JADE3: variants seen among roughly 807,000 people sequenced by gnomAD.
JADE3 encodes protein Jade-3.
Under a neutral mutation model 50.1 loss-of-function variants are expected in JADE3, and 2 were observed. The ratio of observed to expected loss-of-function variants is 0.04; its 90% CI spans 0.02 to 0.13. The LOEUF is 0.13. JADE3 is among the 10% of genes least tolerant of loss of function. The pLI is 1.00. For synonymous variants in JADE3, 218 were observed against 232.9 expected, an observed-to-expected ratio of 0.94 and a Z score of 0.58; for missense variants, 475 against 634.4, an observed-to-expected ratio of 0.75 and a Z score of 2.70.
At chrX:47,009,304 GC>G (rs1556361066) in intron 4 of JADE3, among the ~76,000 whole-genome samples, 2 of 111,260 alleles carry the variant, frequency 1.8e-5, no homozygotes, top group Non-Finnish European at 3.8e-5. Flanking sequence ...CTACACTCCA[GC>G]CTAGATAACA....
intron 4 of JADE3, among the ~76,000 whole-genome samples, chrX:47,002,538 G>A (rs1459210086): frequency 9.0e-6 from 1 of 110,567 alleles, no homozygotes; most frequent in African/African-American, 3.3e-5. Context: ...AAAATTTTTT[G>A]AGCAGTTGTT....
chrX:46,963,376 G>A (rs1556348252), intron 1 of JADE3, among the ~76,000 whole-genome samples: 1 of 111,810 alleles, frequency 8.9e-6, no homozygotes, highest in African/African-American at 3.3e-5. Flanking sequence ...TGCCTACTTT[G>A]GAAAATTAGT....
At chrX:46,980,076 C>T (rs1366958983) in intron 1 of JADE3, among the ~76,000 whole-genome samples, 6 of 108,475 alleles carry the variant, frequency 5.5e-5, no homozygotes, top group Non-Finnish European at 7.6e-5. Context: ...GACGGGGTTT[C>T]ACCATGTTGG....
At position 46,973,237 on chromosome X, in the gene JADE3, A is replaced by G. The variant is rs369220968; in HGVS notation, c.-11-11647A>G. Among the ~76,000 whole-genome samples the G allele has an allele frequency of 4.7e-3, 527 of 112,651 alleles. 2 individuals are homozygous for G. The highest frequency in any genetic ancestry group is 0.016 in the African/African-American group (506 of 31,040). On this transcript the variant is annotated intron_variant, in intron 1 of 10. Transcript: ENST00000614628. ...CAAAGAAATACTTGTCTGTGGCAGG[A>G]ATCTGCCTAGGTAAATTTGTATGTT...
chrX:47,056,804 G>T (rs1204037625), intron 10 of JADE3, among the ~76,000 whole-genome samples: 1 of 111,836 alleles, frequency 8.9e-6, no homozygotes, highest in Non-Finnish European at 1.9e-5. Flanking sequence ...GGGCTGGAAT[G>T]ATGACAGTCA....
chrX:47,033,369 G>A (rs1163598448), intron 6 of JADE3, among the ~76,000 whole-genome samples: 1 of 111,989 alleles, frequency 8.9e-6, no homozygotes, highest in East Asian at 2.8e-4. Flanking sequence ...GTTAACGGTT[G>A]GCTGTATCTC....
At chrX:46,999,532 CA>C (rs1196464582) in intron 4 of JADE3, among the ~76,000 whole-genome samples, 10 of 98,135 alleles carry the variant, frequency 1.0e-4, no homozygotes, top group African/African-American at 3.9e-4. Context: ...GGGTCAAAAA[CA>C]TAGAGTAATG....
intron 1 of JADE3, among the ~76,000 whole-genome samples, chrX:46,943,420 T>A (rs2147112834): frequency 8.9e-6 from 1 of 112,211 alleles, no homozygotes; most frequent in Non-Finnish European, 1.9e-5. Context: ...GATGTTGGAT[T>A]TTATCAAAAG....
At chrX:46,929,751 ACTC>A (rs1926451914) in intron 1 of JADE3, among the ~76,000 whole-genome samples, 1 of 111,096 alleles carries the variant, frequency 9.0e-6, no homozygotes, top group Non-Finnish European at 1.9e-5. Flanking sequence ...TTCTCTAGCC[ACTC>A]TGTCCAAGCA....
chrX:46,928,009 T>G (rs1244720835), intron 1 of JADE3, among the ~76,000 whole-genome samples: 5 of 112,114 alleles, frequency 4.5e-5, no homozygotes, highest in African/African-American at 1.6e-4. Context: ...TTTTGTAATG[T>G]TTTCACATGG....
intron 8 of JADE3, among the ~76,000 whole-genome samples, chrX:47,053,837 G>A (rs139799449): frequency 0.026 from 2,875 of 111,923 alleles, 104 homozygotes; most frequent in African/African-American, 0.09. Context: ...AGCATTCATA[G>A]GGTGATGTGG....
chrX:47,012,347 T>C (rs1928579998), intron 4 of JADE3, among the ~76,000 whole-genome samples: 2 of 111,170 alleles, frequency 1.8e-5, no homozygotes, highest in African/African-American at 3.3e-5. Flanking sequence ...TTTGGGAGGC[T>C]GAGGTGGGAG....
chrX:47,039,847 A>C (rs1427703715), intron 8 of JADE3, among the ~76,000 whole-genome samples: 4 of 111,311 alleles, frequency 3.6e-5, no homozygotes, highest in Non-Finnish European at 7.5e-5. Context: ...TGTACAGATA[A>C]TTTTCTCACC....
chrX:47,015,645 A>C (rs1439364524), intron 4 of JADE3, among the ~76,000 whole-genome samples: 1 of 110,507 alleles, frequency 9.0e-6, no homozygotes, highest in Non-Finnish European at 1.9e-5. Context: ...AATGTACTTG[A>C]AAATATTTGG....
At chrX:47,038,913 T>C in intron 7 of JADE3, 36 bp from the exon 8 acceptor site, 1 of 768,595 alleles carries the variant, frequency 1.3e-6, no homozygotes, top group South Asian at 2.2e-5. Flanking sequence ...TGGGATGCCT[T>C]GGTACTTCTG....
chrX:47,058,860 T>G lies in JADE3; in HGVS notation c.2255T>G (p.Leu752Arg). ...GAGCAGTTCTGGGGTAGACAGGTTC[T>G]CAGGCGGTCTGCAGGGAGAGCTCCA... ...PKEQFWGRQV[L>R]RRSAGRAPYQ... is the part of the protein sequence containing the mutation. The change falls in exon 11 of 11, where the codon CTC (leucine) becomes CGC (arginine). Residue 752 changes from leucine (L) to arginine (R), a missense_variant. By Grantham distance (102) the Leu-to-Arg change is moderately radical. Transcript: ENST00000614628. 1 of 1,210,728 alleles carries G rather than the reference T, an allele frequency of 8.3e-7. No individual in the cohort carries two copies. Among genetic ancestry groups the G allele is most frequent in the Non-Finnish European group, 1.1e-6 (1 of 894,763 alleles).
At chrX:46,966,956 T>G (rs1475337269) in intron 1 of JADE3, among the ~76,000 whole-genome samples, 1 of 112,197 alleles carries the variant, frequency 8.9e-6, no homozygotes. Context: ...TGTTAGATAG[T>G]GAGCTCCTGG....
At chrX:46,986,926 C>A (rs782564668) in intron 3 of JADE3, among the ~76,000 whole-genome samples, 14 of 112,563 alleles carry the variant, frequency 1.2e-4, no homozygotes, top group African/African-American at 4.2e-4. Flanking sequence ...TGTATTGCTA[C>A]ATTACAAATT....
chrX:47,030,518 C>G (rs1556366520), intron 6 of JADE3, among the ~76,000 whole-genome samples: 1 of 111,477 alleles, frequency 9.0e-6, no homozygotes, highest in African/African-American at 3.3e-5. Flanking sequence ...TTAGAGCTCC[C>G]TCTGTTGGCT....
Sources: gnomAD v4.1 joint callset for allele counts (sites outside exome capture counted in the v4.1 genomes callset) on GRCh38, gnomAD v4.1.1 for gene constraint, MANE v1.5 for transcripts, NCBI Gene and HGNC (gene_info 2026-07-23, HGNC 2026-07-21) for gene names.